CACNA2D3: variants seen among roughly 807,000 people sequenced by gnomAD.
The protein encoded by CACNA2D3 is calcium voltage-gated channel auxiliary subunit alpha2delta 3, also known as voltage-dependent calcium channel subunit alpha-2/delta-3.
Under a neutral mutation model 160.6 loss-of-function variants are expected in CACNA2D3, and 60 were observed. The observed-to-expected ratio is 0.37, with a 90% CI of 0.30 to 0.46. The LOEUF (loss-of-function observed/expected upper bound fraction) is 0.46, where lower values mean the gene tolerates loss of function less well. CACNA2D3 is among the 20% of genes least tolerant of loss of function. CACNA2D3 has a pLI of 1.00. For synonymous variants in CACNA2D3, 558 were observed against 492.9 expected, an observed-to-expected ratio of 1.13 and a Z score of -1.75; for missense variants, 1,205 against 1,365.0, an observed-to-expected ratio of 0.88 and a Z score of 1.85.
intron 11 of CACNA2D3, among the ~76,000 whole-genome samples, chr3:54,745,701 C>T (rs866130393): frequency 6.6e-6 from 1 of 152,186 alleles, no homozygotes; most frequent in Non-Finnish European, 1.5e-5. Context: ...GTCGTAGTCT[C>T]TGGATGGCCA....
chr3:54,513,621 T>G (rs2106967463), intron 5 of CACNA2D3, among the ~76,000 whole-genome samples: 1 of 152,288 alleles, frequency 6.6e-6, no homozygotes, highest in Admixed American at 6.5e-5. Context: ...ATACTGTGCA[T>G]CTCCACCACC....
At chr3:54,937,770 G>A (rs932659217) in intron 27 of CACNA2D3, among the ~76,000 whole-genome samples, 18 of 152,002 alleles carry the variant, frequency 1.2e-4, no homozygotes, top group African/African-American at 3.6e-4. Context: ...CATGTGTTAC[G>A]CTGAGAGGCC....
chr3:54,713,173 T>C (rs1700985209), intron 11 of CACNA2D3, among the ~76,000 whole-genome samples: 1 of 152,204 alleles, frequency 6.6e-6, no homozygotes, highest in Non-Finnish European at 1.5e-5. Flanking sequence ...AGGAACAGGC[T>C]ATTGGGAGTT....
intron 2 of CACNA2D3, among the ~76,000 whole-genome samples, chr3:54,167,217 T>A (rs1700476101): frequency 6.6e-6 from 1 of 152,194 alleles, no homozygotes; most frequent in African/African-American, 2.4e-5. Context: ...TAAGCTCACC[T>A]GGGGTGTTTA....
chr3:54,675,661 G>A (rs1449120169), intron 11 of CACNA2D3, among the ~76,000 whole-genome samples: 1 of 152,138 alleles, frequency 6.6e-6, no homozygotes. Context: ...CATTCCTGGG[G>A]TGCCACTCAT....
intron 4 of CACNA2D3, among the ~76,000 whole-genome samples, chr3:54,416,098 C>G (rs894237321): frequency 2.6e-5 from 4 of 152,084 alleles, no homozygotes; most frequent in African/African-American, 9.7e-5. Context: ...ATACATAAGG[C>G]GAACAGTTTG....
At chr3:54,565,832 G>T (rs1045525902) in intron 6 of CACNA2D3, among the ~76,000 whole-genome samples, 4 of 152,064 alleles carry the variant, frequency 2.6e-5, no homozygotes, top group Admixed American at 2.6e-4. Flanking sequence ...AGGCTCTATA[G>T]TTCTTACTTT....
intron 11 of CACNA2D3, among the ~76,000 whole-genome samples, chr3:54,747,524 TG>T (rs1222152339): frequency 2.0e-5 from 3 of 152,218 alleles, no homozygotes; most frequent in Non-Finnish European, 4.4e-5. Context: ...GCAGCCAGAA[TG>T]ATCCTTTTAC....
At chr3:54,788,406 A>G (rs187746157) in intron 13 of CACNA2D3, among the ~76,000 whole-genome samples, 1 of 152,320 alleles carries the variant, frequency 6.6e-6, no homozygotes, top group African/African-American at 2.4e-5. Context: ...CAGGGCACCC[A>G]GACACCTTAG....
chr3:54,534,938 A>C (rs1338660967), intron 5 of CACNA2D3, among the ~76,000 whole-genome samples: 3 of 152,164 alleles, frequency 2.0e-5, no homozygotes, highest in Non-Finnish European at 2.9e-5. Context: ...AAAAATAAAC[A>C]ATATAAGTAA....
intron 3 of CACNA2D3, among the ~76,000 whole-genome samples, chr3:54,323,468 C>CTT (rs11414571): frequency 0.21 from 29,625 of 138,352 alleles, 3,405 homozygotes; most frequent in Middle Eastern, 0.28. Flanking sequence ...TTTTTCTTTT[C>CTT]TTTTTTTTTT....
chr3:54,447,939 G>A lies in CACNA2D3; in HGVS notation c.382-55553G>A, dbSNP rs180789507. 1.4e-3 allele frequency among the ~76,000 whole-genome samples: 211 copies of A among 152,208 alleles called. 2 individuals are homozygous for A. Among genetic ancestry groups the A allele is most frequent in the Non-Finnish European group, 2.6e-3 (174 of 68,004 alleles). On this transcript the variant is annotated intron_variant, in intron 4 of 37. Coordinates refer to ENST00000474759, the MANE Select transcript of CACNA2D3 (RefSeq NM_018398.3). ...GAAAGAACTAACAATAGAAAAACCC[G>A]TATTTAGTGATGATATCAGTGGGAA...
At chr3:54,896,913 G>C in intron 26 of CACNA2D3, 43 bp downstream of exon 26, 1 of 1,613,204 alleles carries the variant, frequency 6.2e-7, no homozygotes, top group Non-Finnish European at 8.5e-7. Flanking sequence ...GTCTGGTCCA[G>C]TGGGTCTGGG....
chr3:54,400,257 C>T (rs1223558825), intron 4 of CACNA2D3, among the ~76,000 whole-genome samples: 1 of 151,458 alleles, frequency 6.6e-6, no homozygotes, highest in East Asian at 2.0e-4. Flanking sequence ...AATCACCCGT[C>T]TTCTGTGTCG....
intron 4 of CACNA2D3, among the ~76,000 whole-genome samples, chr3:54,439,677 GGGGACA>G (rs1193530366): frequency 6.6e-6 from 1 of 152,166 alleles, no homozygotes; most frequent in Non-Finnish European, 1.5e-5. Flanking sequence ...GCCATGGCCA[GGGGACA>G]GGCTTGTGTC....
chr3:54,705,428 C>T (rs1559554246), intron 11 of CACNA2D3, among the ~76,000 whole-genome samples: 1 of 152,060 alleles, frequency 6.6e-6, no homozygotes, highest in Non-Finnish European at 1.5e-5. Context: ...AAGACGTTGT[C>T]CCCAGCCCCT....
chr3:54,857,240 G>A (rs1699191859), intron 17 of CACNA2D3, among the ~76,000 whole-genome samples: 1 of 152,200 alleles, frequency 6.6e-6, no homozygotes. Flanking sequence ...TCAAAGAAGG[G>A]TAGGTGACCC....
At chr3:54,226,622 G>A (rs1701678362) in intron 2 of CACNA2D3, among the ~76,000 whole-genome samples, 1 of 151,988 alleles carries the variant, frequency 6.6e-6, no homozygotes, top group African/African-American at 2.4e-5. Context: ...CTTCTTTATA[G>A]GATATTTGCC....
intron 29 of CACNA2D3, among the ~76,000 whole-genome samples, chr3:54,977,810 A>C (rs1194478119): frequency 6.6e-6 from 1 of 152,236 alleles, no homozygotes; most frequent in Admixed American, 6.5e-5. Flanking sequence ...GAATTCATGG[A>C]AAGTCCACAG....
Sources: allele counts gnomAD v4.1 joint callset (sites outside exome capture counted in the v4.1 genomes callset), GRCh38; gene constraint gnomAD v4.1.1; transcripts MANE v1.5; gene names NCBI Gene and HGNC (gene_info 2026-07-23, HGNC 2026-07-21).